Variants in GLMN observed in about 807,000 individuals in gnomAD.
GLMN encodes glomulin, FKBP associated protein.
A neutral mutation model predicts 87.8 loss-of-function variants in GLMN; 75 were observed. The ratio of observed to expected loss-of-function variants is 0.85; its 90% CI spans 0.71 to 1.04. GLMN has a LOEUF of 1.04. Among genes scored for constraint, GLMN ranks in the 50% least tolerant of loss-of-function variants. The pLI is 0.00. For synonymous variants in GLMN, 206 were observed against 221.6 expected (o/e 0.93, Z 0.63); for missense variants, 588 against 658.8 (o/e 0.89, Z 1.18).
intron 14 of GLMN, among the ~76,000 whole-genome samples, chr1:92,264,348 A>C (rs1655370232): frequency 6.6e-6 from 1 of 152,096 alleles, no homozygotes; most frequent in African/African-American, 2.4e-5. Flanking sequence ...AACCTCAAAG[A>C]ATACAATTTA....
At position 92,256,271 on chromosome 1, in the gene GLMN, T is replaced by TA. The variant is rs574763064; in HGVS notation, c.1473+6591dup. Among the ~76,000 whole-genome samples the TA allele has an allele frequency of 2.6e-3, 369 of 143,626 alleles. 2 individuals carry two copies. Among genetic ancestry groups the TA allele is most frequent in the Middle Eastern group, 7.1e-3 (2 of 280 alleles). The allele number at this position is 143,626 out of a possible 152,430, so 94.2% of individuals were successfully genotyped here. A position where few individuals can be genotyped will look rare whatever the true frequency, so the allele number is the denominator to read the frequency against. ...TGAGGCAGTAATTAATAGCCTACAA[T>TA]AAAAAAAAAAGCCCAGGACCAGACA... On this transcript the variant is annotated intron_variant, in intron 16 of 18. Coordinates refer to ENST00000370360, the MANE Select transcript of GLMN (RefSeq NM_053274.3).
intron 7 of GLMN, among the ~76,000 whole-genome samples, chr1:92,281,212 CAGAG>C (rs2100988994): frequency 6.6e-6 from 1 of 152,226 alleles, no homozygotes; most frequent in East Asian, 1.9e-4. Flanking sequence ...TAAGGGCAGC[CAGAG>C]AGAAAGGTCA....
chr1:92,290,445 T>C, intron 4 of GLMN, 139 bp from the exon 5 acceptor site: 1 of 648,966 alleles, frequency 1.5e-6, no homozygotes, highest in Non-Finnish European at 2.7e-6. Flanking sequence ...TTTATACAAT[T>C]GTTGAAAAAA....
intron 16 of GLMN, 65 bp from the exon 17 acceptor site, chr1:92,248,054 A>G: frequency 3.9e-6 from 3 of 773,154 alleles, no homozygotes; most frequent in Non-Finnish European, 7.0e-6. Flanking sequence ...ATTAAACGCG[A>G]TAAAAGCTCA....
At chr1:92,246,675 T>C in intron 18 of GLMN, 29 bp from the exon 19 acceptor site, 2 of 1,100,250 alleles carry the variant, frequency 1.8e-6, no homozygotes, top group East Asian at 2.4e-5. Context: ...GTAATGTTAT[T>C]AATGCTGCCT....
At chr1:92,319,415 G>A in the GLMN span, among the ~76,000 whole-genome samples, 3 of 152,062 alleles carry the variant, frequency 2.0e-5, no homozygotes, top group Non-Finnish European at 2.9e-5. Context: ...TAGCTACATC[G>A]TTGTTATGAG....
intron 16 of GLMN, among the ~76,000 whole-genome samples, chr1:92,249,999 C>CT (rs1014264186): frequency 2.4e-4 from 35 of 147,734 alleles, no homozygotes; most frequent in Admixed American, 2.7e-4. Flanking sequence ...TGCCCCCCAA[C>CT]TTTTTTTTTT....
At chr1:92,324,723 A>G in the GLMN span, among the ~76,000 whole-genome samples, 1 of 152,198 alleles carries the variant, frequency 6.6e-6, no homozygotes, top group South Asian at 2.1e-4. Flanking sequence ...AGATTTTTAC[A>G]TGGGGTCTGT....
chr1:92,323,015 A>G, the GLMN span, among the ~76,000 whole-genome samples: 1 of 147,002 alleles, frequency 6.8e-6, no homozygotes, highest in Admixed American at 6.8e-5. Flanking sequence ...ATAAATATAT[A>G]CTTTATATTT....
chr1:92,327,923 C>T, the GLMN span, among the ~76,000 whole-genome samples: 1,939 of 152,142 alleles, frequency 0.013, 41 homozygotes, highest in African/African-American at 0.044. Context: ...ACCTTAGTTT[C>T]GCTGGATACA....
chr1:92,341,681 G>A, the GLMN span, among the ~76,000 whole-genome samples: 7,327 of 152,242 alleles, frequency 0.048, 611 homozygotes, highest in African/African-American at 0.17. Context: ...ATCTTGCTCT[G>A]TCGTCCAGGC....
intron 7 of GLMN, among the ~76,000 whole-genome samples, chr1:92,284,039 T>C (rs1233072358): frequency 6.6e-6 from 1 of 152,204 alleles, no homozygotes; most frequent in Non-Finnish European, 1.5e-5. Context: ...AAAGTGGTCA[T>C]ACTGCCCAAA....
At chr1:92,282,709 A>G (rs1384148830) in intron 7 of GLMN, among the ~76,000 whole-genome samples, 2 of 152,202 alleles carry the variant, frequency 1.3e-5, no homozygotes, top group Admixed American at 6.5e-5. Flanking sequence ...GAAAAGATCA[A>G]CAAAATACAT....
chr1:92,282,606 G>C (rs1333211005), intron 7 of GLMN, among the ~76,000 whole-genome samples: 2 of 151,990 alleles, frequency 1.3e-5, no homozygotes, highest in Non-Finnish European at 2.9e-5. Flanking sequence ...CTAGCAGAAG[G>C]CAAGAAATAA....
chr1:92,324,129 T>C, the GLMN span: 1 of 1,614,024 alleles, frequency 6.2e-7, no homozygotes, highest in Non-Finnish European at 8.5e-7. Context: ...CCTCTCTGGT[T>C]AAAGAAGAAC....
chr1:92,368,256 G>C, the GLMN span, among the ~76,000 whole-genome samples: 1 of 152,160 alleles, frequency 6.6e-6, no homozygotes, highest in Non-Finnish European at 1.5e-5. Context: ...GTGGGCACCT[G>C]TAATGCCAGC....
At chr1:92,334,803 G>A in the GLMN span, among the ~76,000 whole-genome samples, 5 of 152,020 alleles carry the variant, frequency 3.3e-5, no homozygotes, top group African/African-American at 9.7e-5. Flanking sequence ...TGGCTAACAC[G>A]GTGAAACCCC....
At chr1:92,359,515 T>C in the GLMN span, among the ~76,000 whole-genome samples, 40,811 of 152,096 alleles carry the variant, frequency 0.27, 6,651 homozygotes, top group Non-Finnish European at 0.35. Context: ...AGACAGGATT[T>C]TACCATGTTG....
chr1:92,312,418 CAAA>C, the GLMN span, among the ~76,000 whole-genome samples: 1 of 146,788 alleles, frequency 6.8e-6, no homozygotes, highest in Admixed American at 6.8e-5. Context: ...GACCGTGTCT[CAAA>C]AAAAAAAAAA....
Sources: allele counts gnomAD v4.1 joint callset (sites outside exome capture counted in the v4.1 genomes callset), GRCh38; gene constraint gnomAD v4.1.1; transcripts MANE v1.5; gene names NCBI Gene and HGNC (gene_info 2026-07-23, HGNC 2026-07-21).